Variants in TTR observed in about 807,000 individuals in gnomAD.
TTR encodes the protein transthyretin, also known as epididymis luminal protein 111.
TTR carries 8 observed loss-of-function variants against 13.7 expected under a neutral mutation model. The ratio of observed to expected loss-of-function variants is 0.58; its 90% CI spans 0.34 to 1.05. TTR has a LOEUF of 1.05. Among genes scored for constraint, TTR ranks in the 50% least tolerant of loss-of-function variants. The probability of loss-of-function intolerance (pLI) is 0.02; values close to 1 mark genes in which losing one functional copy is unlikely to be tolerated. For missense variants in TTR, 135 were observed against 185.5 expected (o/e 0.73, Z 1.58); for synonymous variants, 75 against 71.7 (o/e 1.05, Z -0.23).
At position 31,598,640 on chromosome 18, in the gene TTR, T is replaced by A. The variant is rs777190076; in HGVS notation, c.409T>A (p.Ser137Thr). ...CGCCCTGCTGAGCCCCTACTCCTAT[T>A]CCACCACGGCTGTCGTCACCAATCC... is the stretch of plus-strand genomic sequence containing the variant. ...IAALLSPYSY[S>T]TTAVVTNPKE Residue 137 changes from serine (S) to threonine (T), a missense_variant, in exon 4 of 4, where the codon TCC becomes ACC. Ser to Thr is a moderately conservative substitution (Grantham distance 58). Coordinates refer to ENST00000237014, the MANE Select transcript of TTR (RefSeq NM_000371.4). 1 of 1,614,150 alleles carries A rather than the reference T, an allele frequency of 6.2e-7. No individual in the cohort carries two copies. The highest frequency in any genetic ancestry group is 1.7e-5 in the Admixed American group (1 of 60,012).
chr18:31,592,771 T>TA (rs770077591), intron 1 of TTR, 125 bp from the exon 2 acceptor site: 14 of 1,297,618 alleles, frequency 1.1e-5, no homozygotes, highest in Admixed American at 1.8e-5. Context: ...TGTCGACACT[T>TA]ACGTTCCTGA....
intron 3 of TTR, among the ~76,000 whole-genome samples, chr18:31,596,609 T>C (rs980898122): frequency 3.3e-5 from 5 of 152,094 alleles, no homozygotes; most frequent in Non-Finnish European, 7.3e-5. Context: ...CATGTTGTTC[T>C]CTTTCATTAG....
rs777473485 is a variant in TTR, at chr18:31,598,771, T to C, written c.*96T>C. 2.4e-6 allele frequency: 3 copies of C among 1,270,460 alleles called. No individual in the cohort carries two copies. The allele number at this position is 1,270,460 out of a possible 1,614,324, so 78.7% of individuals were successfully genotyped here. ...ACTAAAGCAGTGTTTTCACCTCATA[T>C]GCTATGTTAGAAGTCCAGGCAGAGA... On this transcript the variant is annotated 3_prime_UTR_variant, in exon 4 of 4. Coordinates refer to ENST00000237014, the MANE Select transcript of TTR (RefSeq NM_000371.4).
rs553309501 is a variant in TTR, at chr18:31,598,706, G to A, written c.*31G>A. On this transcript the variant is annotated 3_prime_UTR_variant, in exon 4 of 4. Transcript: ENST00000237014. ...TTCTCCTCCAGTGGACCTGAAGGAC[G>A]AGGGATGGGATTTCATGTAACCAAG... is the stretch of plus-strand genomic sequence containing the variant. 17 of 1,599,528 alleles carry A rather than the reference G, an allele frequency of 1.1e-5. No individual in the cohort carries two copies. Among genetic ancestry groups the A allele is most frequent in the Middle Eastern group, 1.7e-4 (1 of 6,034 alleles).
chr18:31,593,318 A>G, intron 2 of TTR: 1 of 365,750 alleles, frequency 2.7e-6, no homozygotes, highest in South Asian at 2.4e-5. Flanking sequence ...CACTTTATGT[A>G]GGTGATGAAA....
chr18:31,598,232 G>T (rs1218335364), intron 3 of TTR: 1 of 390,748 alleles, frequency 2.6e-6, no homozygotes, highest in Admixed American at 3.6e-5. Context: ...ATGCAGTTTT[G>T]CATTCTCCCT....
rs1004021945 is a variant in TTR, at chr18:31,592,947, C to T, written c.121C>T (p.Arg41Ter). The T allele has an allele frequency of 2.5e-6, 4 of 1,614,032 alleles. No individual in the cohort carries two copies. The highest frequency in any genetic ancestry group is 1.1e-5 in the South Asian group (1 of 91,072). Reference protein sequence around the residue: ...PLMVKVLDAVRGSPAINVAVH... With the variant: ...PLMVKVLDAV ...GATGGTCAAAGTTCTAGATGCTGTC[C>T]GAGGCAGTCCTGCCATCAATGTGGC... Residue 41 changes from arginine to a stop codon, truncating the protein, a stop_gained, in exon 2 of 4, where the codon CGA (arginine) becomes TGA (stop). Coordinates refer to ENST00000237014, the MANE Select transcript of TTR (RefSeq NM_000371.4). LOFTEE classifies it high-confidence loss of function.
At chr18:31,593,840 G>A (rs952077241) in intron 2 of TTR, among the ~76,000 whole-genome samples, 2 of 152,278 alleles carry the variant, frequency 1.3e-5, no homozygotes, top group African/African-American at 4.8e-5. Context: ...CCAGAAGACA[G>A]AGCAATCAGG....
rs1374171035 is a variant in TTR at position 31,592,773 on chromosome 18, C to G, written c.70-123C>G. The G allele has an allele frequency of 3.1e-6, 4 of 1,306,084 alleles. No individual in the cohort carries two copies. The South Asian group carries it at 3.7e-5, about 12-fold the overall frequency. 80.9% of individuals were successfully genotyped at this position (1,306,084 alleles called of 1,614,324 possible). ...GAAGCTCATTAATTGTCGACACTTA[C>G]GTTCCTGATAATGGGATCAGTGTGT... On this transcript the variant is annotated intron_variant, in intron 1 of 3. Transcript: ENST00000237014.
At chr18:31,594,445 G>A (rs753550477) in intron 2 of TTR, among the ~76,000 whole-genome samples, 1 of 152,220 alleles carries the variant, frequency 6.6e-6, no homozygotes, top group African/African-American at 2.4e-5. Context: ...ATGCCTCAAA[G>A]CTATCCTCAC....
In TTR at chr18:31,592,794, T is replaced by C; in HGVS notation, c.70-102T>C. 4.8e-6 allele frequency: 7 copies of C among 1,461,598 alleles called. No homozygotes were observed. In the East Asian group the frequency reaches 7.0e-5, roughly 15 times the overall value. The allele number at this position is 1,461,598 out of a possible 1,614,324, so 90.5% of individuals were successfully genotyped here. On this transcript the variant is annotated intron_variant, in intron 1 of 3. Transcript: ENST00000237014. ...CTTACGTTCCTGATAATGGGATCAG[T>C]GTGTAATTCTTGTTTCGCTCCAGAT... is the stretch of plus-strand genomic sequence containing the variant.
In TTR at chr18:31,593,762, G is replaced by A. The variant is rs540279502; in HGVS notation, c.200+736G>A. ...TCATTAGCCAGTTCACAATTTTCAT[G>A]GAGTTTTTCTACCTGCACTAGCAAA... On this transcript the variant is annotated intron_variant, in intron 2 of 3. Transcript: ENST00000237014. 8.5e-5 allele frequency among the ~76,000 whole-genome samples: 13 copies of A among 152,248 alleles called. No homozygotes were observed. The South Asian group carries it at 2.7e-3, about 32-fold the overall frequency.
rs546018525 is a variant in TTR at position 31,595,853 on chromosome 18, T to C, written c.336+598T>C. 6 of 183,114 alleles carry C rather than the reference T, an allele frequency of 3.3e-5. No individual in the cohort carries two copies. The South Asian group carries it at 6.6e-4, about 20-fold the overall frequency. The allele number at this position is 183,114 out of a possible 1,614,324, so 11.3% of individuals were successfully genotyped here. On this transcript the variant is annotated intron_variant, in intron 3 of 3. Transcript: ENST00000237014. ...GAGGTCAGTCCTATTATTATCCCCA[T>C]CTTATAGATGAAGAAAATGAGGCAC...
At chr18:31,595,320 GCA>G (rs760712708) in intron 3 of TTR, 65 bp downstream of exon 3, 13 of 1,603,878 alleles carry the variant, frequency 8.1e-6, no homozygotes, top group South Asian at 5.5e-5. Flanking sequence ...TCCAGGAAAT[GCA>G]CAGTTTTACT....
intron 2 of TTR, 75 bp from the exon 3 acceptor site, chr18:31,595,045 G>A: frequency 6.7e-7 from 1 of 1,490,628 alleles, no homozygotes; most frequent in Non-Finnish European, 9.3e-7. Context: ...TGTGTTAGTT[G>A]GTGGGGGTGT....
At chr18:31,596,703 A>C (rs1190652729) in intron 3 of TTR, among the ~76,000 whole-genome samples, 1 of 152,058 alleles carries the variant, frequency 6.6e-6, no homozygotes, top group Non-Finnish European at 1.5e-5. Flanking sequence ...CTATGTGTGG[A>C]ACACTCTGCT....
At chr18:31,592,037 C>A (rs145765195) in intron 1 of TTR, 66 bp downstream of exon 1, 4 of 1,563,574 alleles carry the variant, frequency 2.6e-6, no homozygotes, top group Admixed American at 3.3e-5. Context: ...AGAAGTGACT[C>A]CTTCCAGCTT....
chr18:31,594,317 G>A (rs1262380559), intron 2 of TTR, among the ~76,000 whole-genome samples: 1 of 152,180 alleles, frequency 6.6e-6, no homozygotes, highest in Non-Finnish European at 1.5e-5. Context: ...GTTTGTTGCT[G>A]GCAAAGAGTT....
intron 1 of TTR, 140 bp from the exon 2 acceptor site, chr18:31,592,756 T>C: frequency 9.0e-7 from 1 of 1,116,080 alleles, no homozygotes; most frequent in Admixed American, 2.0e-5. Context: ...GGGAAGCTCA[T>C]TAATTGTCGA....
Sources: gnomAD v4.1 joint callset for allele counts (sites outside exome capture counted in the v4.1 genomes callset) on GRCh38, gnomAD v4.1.1 for gene constraint, MANE v1.5 for transcripts, NCBI Gene and HGNC (gene_info 2026-07-23, HGNC 2026-07-21) for gene names.